RAB37: variants seen among roughly 807,000 people sequenced by gnomAD.
RAB37 encodes RAB37, member RAS oncogene family, also known as ras-related protein Rab-37.
RAB37 carries 29 observed loss-of-function variants against 33.1 expected under a neutral mutation model. That is an observed-to-expected ratio of 0.88 (90% CI 0.65 to 1.20). The LOEUF (loss-of-function observed/expected upper bound fraction) is 1.20. Among genes scored for constraint, RAB37 ranks in the 50% most tolerant of loss-of-function variants. The pLI, the probability that RAB37 is intolerant of heterozygous loss-of-function variation, is 0.00. For missense variants in RAB37, 299 were observed against 301.1 expected (o/e 0.99, Z 0.05); for synonymous variants, 128 against 119.5 (o/e 1.07, Z -0.47).
intron 1 of RAB37, among the ~76,000 whole-genome samples, chr17:74,724,062 C>T (rs2034275504): frequency 6.6e-6 from 1 of 152,138 alleles, no homozygotes; most frequent in Non-Finnish European, 1.5e-5. Flanking sequence ...ACCAGAAAAT[C>T]TGAGACAAGT....
chr17:74,717,430 T>C (rs2034179302), intron 1 of RAB37, among the ~76,000 whole-genome samples: 1 of 152,194 alleles, frequency 6.6e-6, no homozygotes. Flanking sequence ...TTCAATGTGA[T>C]GGCATTACGA....
chr17:74,702,830 C>T (rs987325767), intron 1 of RAB37, among the ~76,000 whole-genome samples: 1 of 152,210 alleles, frequency 6.6e-6, no homozygotes, highest in African/African-American at 2.4e-5. Context: ...ACAAACAGCA[C>T]TGAGCTGCAG....
intron 1 of RAB37, chr17:74,704,444 T>G: frequency 6.8e-7 from 1 of 1,469,400 alleles, no homozygotes; most frequent in South Asian, 1.2e-5. Flanking sequence ...GAGCAGGCCC[T>G]GAGAGACACA....
chr17:74,705,272 G>A, intron 1 of RAB37: 1 of 700,942 alleles, frequency 1.4e-6, no homozygotes, highest in Non-Finnish European at 2.6e-6. Context: ...GCTGTGGAGA[G>A]GCTGTCCTGG....
chr17:74,698,424 C>T (rs1414320495), intron 1 of RAB37: 5 of 1,614,060 alleles, frequency 3.1e-6, no homozygotes, highest in Non-Finnish European at 4.2e-6. Flanking sequence ...CCACCAAAAG[C>T]AGCAGCAATA....
In RAB37 at chr17:74,743,508, G is replaced by T. The variant is rs553805876; in HGVS notation, c.366+168G>T. Reference sequence around the variant, plus strand: ...AGTCATATCTGCTGCTTTGTATTTGGTGGCCATGTGGGCATGAAGGCCAAG... The same window carrying T: ...AGTCATATCTGCTGCTTTGTATTTGTTGGCCATGTGGGCATGAAGGCCAAG... On this transcript the variant is annotated intron_variant, in intron 5 of 8. Coordinates refer to ENST00000392613, the MANE Select transcript of RAB37 (RefSeq NM_001006638.3). Among the ~76,000 whole-genome samples, 10 of 152,302 alleles carry T rather than the reference G, an allele frequency of 6.6e-5. 1 individual carries two copies. In the South Asian group the frequency reaches 2.1e-3, roughly 32 times the overall value.
chr17:74,698,273 A>T (rs1190676554), intron 1 of RAB37: 1 of 893,314 alleles, frequency 1.1e-6, no homozygotes, highest in Non-Finnish European at 1.8e-6. Context: ...CCATTTCCTG[A>T]TTGTGTGGGT....
chr17:74,744,577 A>T lies in RAB37; in HGVS notation c.432+204A>T. On this transcript the variant is annotated intron_variant, in intron 6 of 8. Transcript: ENST00000392613. This position sits in a 1 kb window ranked among gnomAD's most constrained non-coding sequence, Gnocchi z 4.2. ...AGTCCAAGTTGTTGCCTGAGAAATCAAGGGGTGCCCAGTTCTCAGCCCCCA... is the reference window on the plus strand; with the variant it reads ...AGTCCAAGTTGTTGCCTGAGAAATCTAGGGGTGCCCAGTTCTCAGCCCCCA... The T allele has an allele frequency of 1.6e-6, 1 of 636,782 alleles. No homozygotes were observed. The highest frequency in any genetic ancestry group is 2.8e-6 in the Non-Finnish European group (1 of 362,396). 39.4% of individuals were successfully genotyped at this position (636,782 alleles called of 1,614,324 possible).
chr17:74,703,088 G>C, intron 1 of RAB37: 1 of 1,614,048 alleles, frequency 6.2e-7, no homozygotes. Flanking sequence ...TTTCTTCTTG[G>C]GTGACTGGTG....
At position 74,671,692 on chromosome 17, in the gene RAB37, G is replaced by A. The variant is rs755841099; in HGVS notation, c.72+34G>A. On this transcript the variant is annotated intron_variant, in intron 1 of 7. Coordinates refer to the RAB37 transcript ENST00000340415. The surrounding 1 kb of genome is among the most constrained non-coding windows in gnomAD (Gnocchi z 5.0). ...CTCCTGTATTCCTCAACCTAACGTT[G>A]GAAGAGGCGCCAGCACCAGGAGTTT... 29 of 1,597,978 alleles carry A rather than the reference G, an allele frequency of 1.8e-5. No homozygotes were observed. In the Admixed American group the frequency reaches 4.7e-4, roughly 26 times the overall value.
chr17:74,674,906 G>A (rs965859109), intron 1 of RAB37, among the ~76,000 whole-genome samples: 1 of 152,148 alleles, frequency 6.6e-6, no homozygotes, highest in South Asian at 2.1e-4. Context: ...TGACAGCACA[G>A]CAGATGTTAT....
intron 1 of RAB37, among the ~76,000 whole-genome samples, chr17:74,682,936 G>A (rs924083558): frequency 6.6e-6 from 1 of 152,164 alleles, no homozygotes; most frequent in African/African-American, 2.4e-5. Context: ...ATGGTTTCCA[G>A]GGAAAATGGG....
At chr17:74,713,960 A>G (rs1049100619) in intron 1 of RAB37, among the ~76,000 whole-genome samples, 1 of 150,494 alleles carries the variant, frequency 6.6e-6, no homozygotes, top group African/African-American at 2.4e-5. Context: ...CTGTAATCCC[A>G]ACACTTTGGG....
At chr17:74,707,513 G>A (rs2033613272) in intron 1 of RAB37, among the ~76,000 whole-genome samples, 1 of 152,086 alleles carries the variant, frequency 6.6e-6, no homozygotes, top group Non-Finnish European at 1.5e-5. Flanking sequence ...TCAGGAGTTT[G>A]AGACCAGCCT....
At chr17:74,709,346 G>T (rs2143887383) in intron 1 of RAB37, among the ~76,000 whole-genome samples, 1 of 152,266 alleles carries the variant, frequency 6.6e-6, no homozygotes, top group South Asian at 2.1e-4. Flanking sequence ...GCTCATTCAT[G>T]ATTTTTTAAA....
chr17:74,699,666 T>TG (rs1292859172), intron 1 of RAB37, among the ~76,000 whole-genome samples: 4 of 152,132 alleles, frequency 2.6e-5, no homozygotes, highest in Admixed American at 6.6e-5. Context: ...GCAACAGCCC[T>TG]GGTGACACCT....
chr17:74,681,255 C>G (rs1567774273), intron 1 of RAB37, among the ~76,000 whole-genome samples: 1 of 152,214 alleles, frequency 6.6e-6, no homozygotes, highest in Non-Finnish European at 1.5e-5. Context: ...GCTTGCAGCT[C>G]TCGAGGCTGC....
At chr17:74,711,203 T>C (rs572792987) in intron 1 of RAB37, among the ~76,000 whole-genome samples, 2 of 152,270 alleles carry the variant, frequency 1.3e-5, no homozygotes, top group South Asian at 4.2e-4. Context: ...CAAGAGCTGA[T>C]GCATGCAGGT....
In RAB37 at chr17:74,738,691, C is replaced by G. The variant is rs1207345533; in HGVS notation, c.93+1326C>G. On this transcript the variant is annotated intron_variant, in intron 1 of 8. Transcript: ENST00000392613. The surrounding 1 kb of genome is among the most constrained non-coding windows in gnomAD (Gnocchi z 5.0). ...TGCAGGCTCCAGAAAGCTCCTATCCCCCACCCCTTCATCTGTTCCCTGGCC... is the reference window on the plus strand; with the variant it reads ...TGCAGGCTCCAGAAAGCTCCTATCCGCCACCCCTTCATCTGTTCCCTGGCC... Among the ~76,000 whole-genome samples, 1 of 152,206 alleles carries G rather than the reference C, an allele frequency of 6.6e-6. No homozygotes were observed. Among genetic ancestry groups the G allele is most frequent in the African/African-American group, 2.4e-5 (1 of 41,456 alleles).
Sources: allele counts gnomAD v4.1 joint callset (sites outside exome capture counted in the v4.1 genomes callset), GRCh38; gene constraint gnomAD v4.1.1; non-coding constraint Gnocchi (gnomAD v3.1); transcripts MANE v1.5; gene names NCBI Gene and HGNC (gene_info 2026-07-23, HGNC 2026-07-21).